C1QTNF2: variants seen among roughly 807,000 people sequenced by gnomAD.
C1QTNF2 encodes C1q and TNF related 2, also known as complement C1q tumor necrosis factor-related protein 2.
A neutral mutation model predicts 17.4 loss-of-function variants in C1QTNF2; 15 were observed. The ratio of observed to expected loss-of-function variants is 0.86; its 90% CI spans 0.58 to 1.33. C1QTNF2 has a LOEUF of 1.33. C1QTNF2 is among the 40% of genes most tolerant of loss of function. C1QTNF2 has a pLI of 0.00. For missense variants in C1QTNF2, 381 were observed against 392.3 expected (o/e 0.97, Z 0.24); for synonymous variants, 154 against 163.3 (o/e 0.94, Z 0.44).
At chr5:160,350,817 C>G (rs1164552424) in intron 2 of C1QTNF2, among the ~76,000 whole-genome samples, 1 of 149,858 alleles carries the variant, frequency 6.7e-6, no homozygotes, top group Admixed American at 6.7e-5. Context: ...GTGGCGCGAT[C>G]TCCGCTCACT....
At chr5:160,359,102 C>T (rs967431755) in intron 1 of C1QTNF2, among the ~76,000 whole-genome samples, 1 of 152,108 alleles carries the variant, frequency 6.6e-6, no homozygotes, top group Non-Finnish European at 1.5e-5. Context: ...ACAAAGCTTA[C>T]TAGAGCCCTA....
chr5:160,354,243 G>T (rs1405932083), intron 2 of C1QTNF2, among the ~76,000 whole-genome samples: 4 of 152,170 alleles, frequency 2.6e-5, no homozygotes, highest in East Asian at 3.9e-4. Flanking sequence ...GTGCACCGGG[G>T]GCAGGAACAC....
At chr5:160,359,626 G>T (rs73819856) in intron 1 of C1QTNF2, among the ~76,000 whole-genome samples, 1 of 152,178 alleles carries the variant, frequency 6.6e-6, no homozygotes, top group Admixed American at 6.5e-5. Flanking sequence ...GGGTGCTGGA[G>T]TAAATCAATG....
At chr5:160,367,243 TTC>T (rs1280937421) in intron 1 of C1QTNF2, among the ~76,000 whole-genome samples, 1 of 152,156 alleles carries the variant, frequency 6.6e-6, no homozygotes, top group Non-Finnish European at 1.5e-5. Flanking sequence ...TTGGGAGATT[TTC>T]TGTTAACATC....
chr5:160,351,839 T>G (rs1763929741), intron 2 of C1QTNF2, among the ~76,000 whole-genome samples: 1 of 149,924 alleles, frequency 6.7e-6, no homozygotes, highest in African/African-American at 2.4e-5. Flanking sequence ...GTCACAAAGC[T>G]ATTTCTTGAA....
intron 1 of C1QTNF2, among the ~76,000 whole-genome samples, chr5:160,360,925 G>A (rs1288493506): frequency 6.6e-6 from 1 of 151,916 alleles, no homozygotes; most frequent in East Asian, 1.9e-4. Flanking sequence ...CCCCTGAGTA[G>A]CTGGGACTAC....
chr5:160,359,225 G>T (rs1205824123), intron 1 of C1QTNF2, among the ~76,000 whole-genome samples: 1 of 152,082 alleles, frequency 6.6e-6, no homozygotes, highest in Non-Finnish European at 1.5e-5. Flanking sequence ...TAATGGAGAT[G>T]GCATCCAAAC....
At chr5:160,365,055 TG>T (rs754433060) in intron 1 of C1QTNF2, among the ~76,000 whole-genome samples, 2 of 152,202 alleles carry the variant, frequency 1.3e-5, no homozygotes, top group Non-Finnish European at 2.9e-5. Context: ...TAGAACTACC[TG>T]GGCAGGTTAT....
Position 160,349,218 on chromosome 5 carries a change from A to C in C1QTNF2, c.808T>G (p.Phe270Val), listed in dbSNP as rs200394761. ...FYDPYWTDSL[F>V]TGFLIYADQD... ...TCGGCATAGATTAGGAAGCCCGTAA[A>C]GAGGCTGTCTGTCCAGTAAGGGTCA... Residue 270 changes from phenylalanine to valine, a missense_variant, in exon 3 of 3, where the codon TTT (phenylalanine) becomes GTT (valine). Coordinates refer to ENST00000652664, the MANE Select transcript of C1QTNF2 (RefSeq NM_031908.6). The surrounding 1 kb of genome is among the most constrained non-coding windows in gnomAD (Gnocchi z 4.3). 6.2e-7 allele frequency: 1 copy of C among 1,614,054 alleles called. No homozygotes were observed. The highest frequency in any genetic ancestry group is 8.5e-7 in the Non-Finnish European group (1 of 1,180,036).
At chr5:160,356,060 C>A (rs1332712545) in intron 1 of C1QTNF2, among the ~76,000 whole-genome samples, 4 of 152,366 alleles carry the variant, frequency 2.6e-5, no homozygotes, top group Admixed American at 1.3e-4. Context: ...GATCAGTGTG[C>A]TATGCACCTG....
intron 1 of C1QTNF2, among the ~76,000 whole-genome samples, chr5:160,359,993 G>C (rs1764123331): frequency 6.6e-6 from 1 of 151,742 alleles, no homozygotes; most frequent in Admixed American, 6.6e-5. Flanking sequence ...CAGCCCCAAG[G>C]CACCAGCCAC....
intron 1 of C1QTNF2, among the ~76,000 whole-genome samples, chr5:160,356,778 C>A (rs1428414580): frequency 2.0e-5 from 3 of 152,198 alleles, no homozygotes; most frequent in Non-Finnish European, 4.4e-5. Flanking sequence ...TTTCAATCCC[C>A]TTTCCCTTCA....
rs1266238207 is a variant in C1QTNF2, at chr5:160,354,596, A to T, written c.244+172T>A. On this transcript the variant is annotated intron_variant, in intron 2 of 2. Transcript: ENST00000652664. ...TCTGTCTCAAGGGGAAAAAAAAAAA[A>T]AGTATATATATATATATATATATAT... Among the ~76,000 whole-genome samples the T allele has an allele frequency of 7.7e-3, 378 of 49,266 alleles. 2 individuals carry two copies. The East Asian group carries it at 0.09, about 12-fold the overall frequency. The allele number at this position is 49,266 out of a possible 152,430, so 32.3% of individuals were successfully genotyped here.
chr5:160,363,260 G>C (rs2113530618), intron 1 of C1QTNF2, among the ~76,000 whole-genome samples: 1 of 152,340 alleles, frequency 6.6e-6, no homozygotes, highest in African/African-American at 2.4e-5. Flanking sequence ...TCTCTGAAAA[G>C]CTAAAGAGAT....
chr5:160,360,666 C>G (rs1331060183), intron 1 of C1QTNF2, among the ~76,000 whole-genome samples: 1 of 152,152 alleles, frequency 6.6e-6, no homozygotes, highest in Non-Finnish European at 1.5e-5. Flanking sequence ...CTAAATTGTC[C>G]TTTCTGGGGG....
intron 1 of C1QTNF2, among the ~76,000 whole-genome samples, chr5:160,365,157 A>G (rs1472359674): frequency 6.6e-6 from 1 of 152,188 alleles, no homozygotes; most frequent in Non-Finnish European, 1.5e-5. Context: ...ATAGGCACCT[A>G]ACAGCATCTA....
intron 1 of C1QTNF2, among the ~76,000 whole-genome samples, chr5:160,364,238 A>G (rs892159742): frequency 7.9e-5 from 12 of 152,334 alleles, no homozygotes; most frequent in African/African-American, 2.9e-4. Flanking sequence ...CAAGTCTCCA[A>G]TAGCCGCATG....
In C1QTNF2 at chr5:160,349,245, A is replaced by G. The variant is rs1266675034; in HGVS notation, c.781T>C (p.Tyr261His). ...IFYSEQNGLFYDPYWTDSLFT... is the reference protein window; with the variant it reads ...IFYSEQNGLFHDPYWTDSLFT... ...AGGCTGTCTGTCCAGTAAGGGTCAT[A>G]GAAGAGCCCGTTCTGCTCTGAGTAG... is the stretch of plus-strand genomic sequence containing the variant. Residue 261 changes from tyrosine (Y) to histidine (H), a missense_variant, in exon 3 of 3, where the codon TAT becomes CAT. Physicochemically the swap from Tyr to His is moderately conservative, Grantham distance 83 (BLOSUM62 2). Coordinates refer to ENST00000652664, the MANE Select transcript of C1QTNF2 (RefSeq NM_031908.6). This position sits in a 1 kb window ranked among gnomAD's most constrained non-coding sequence, Gnocchi z 4.3. The G allele has an allele frequency of 1.9e-6, 3 of 1,614,054 alleles. No homozygotes were observed. Among genetic ancestry groups the G allele is most frequent in the South Asian group, 1.1e-5 (1 of 91,084 alleles).
chr5:160,355,233 T>C, intron 1 of C1QTNF2: 1 of 985,072 alleles, frequency 1.0e-6, no homozygotes, highest in Non-Finnish European at 1.2e-6. Flanking sequence ...TTACCCAGAA[T>C]ACACTTCGAA....
Sources: allele counts gnomAD v4.1 joint callset (sites outside exome capture counted in the v4.1 genomes callset), GRCh38; gene constraint gnomAD v4.1.1; non-coding constraint Gnocchi (gnomAD v3.1); transcripts MANE v1.5; gene names NCBI Gene and HGNC (gene_info 2026-07-23, HGNC 2026-07-21).